The following PCSK7 variants were observed in gnomAD, a reference collection of about 807,000 sequenced individuals.
PCSK7 encodes proprotein convertase subtilisin/kexin type 7, also known as lymphoma proprotein convertase.
A neutral mutation model predicts 73.3 loss-of-function variants in PCSK7; 38 were observed. That is an observed-to-expected ratio of 0.52 (90% CI 0.40 to 0.68). The LOEUF (loss-of-function observed/expected upper bound fraction) is 0.68, where lower values mean the gene tolerates loss of function less well. Among genes scored for constraint, PCSK7 ranks in the 30% least tolerant of loss-of-function variants. The pLI is 0.00. For synonymous variants in PCSK7, 296 were observed against 383.8 expected (o/e 0.77, Z 2.68); for missense variants, 692 against 991.5 (o/e 0.70, Z 4.06).
intron 3 of PCSK7, among the ~76,000 whole-genome samples, chr11:117,228,777 C>G (rs925967557): frequency 5.9e-5 from 9 of 152,052 alleles, no homozygotes; most frequent in Non-Finnish European, 1.0e-4. Flanking sequence ...CCTGCCACCA[C>G]GCCTGGCTAA....
intron 5 of PCSK7, chr11:117,226,483 C>T: frequency 6.2e-6 from 1 of 161,878 alleles, no homozygotes; most frequent in Non-Finnish European, 1.4e-5. Context: ...ATTACTTGTC[C>T]CCCCACCAAA....
chr11:117,226,127 C>T, intron 5 of PCSK7, 106 bp from the exon 6 acceptor site: 1 of 682,214 alleles, frequency 1.5e-6, no homozygotes, highest in Non-Finnish European at 2.6e-6. Flanking sequence ...CCTACATGCT[C>T]TTTGTACATT....
intron 5 of PCSK7, chr11:117,226,271 G>A (rs781644678): frequency 2.6e-5 from 13 of 492,656 alleles, no homozygotes; most frequent in Non-Finnish European, 4.4e-5. Flanking sequence ...AAGTAGCTGG[G>A]ACTACAGGCG....
In PCSK7 at chr11:117,223,232, AC is replaced by A; in HGVS notation, c.1130del (p.Gly377ValfsTer10). On this transcript the variant is annotated frameshift_variant, in exon 9 of 17. Coordinates refer to ENST00000320934, the MANE Select transcript of PCSK7 (RefSeq NM_004716.4). LOFTEE classifies it high-confidence loss of function. ...CAATGCTCCGAAGCATCTTGTCCCC[AC>A]CACTGAAGGTGACTGCCAGCATGGA... ...CASMLAVTFS[G>X]GDKMLRSIVT... 6.2e-7 allele frequency: 1 copy of A among 1,613,036 alleles called. No individual in the cohort carries two copies.
At chr11:117,229,973 T>C in intron 2 of PCSK7, 117 bp from the exon 3 acceptor site, 2 of 622,042 alleles carry the variant, frequency 3.2e-6, no homozygotes, top group Non-Finnish European at 5.5e-6. Flanking sequence ...GCCATGCCTT[T>C]TAAATTGTGA....
At chr11:117,211,855 T>C (rs188490760) in intron 12 of PCSK7, 1 of 152,414 alleles carries the variant, frequency 6.6e-6, no homozygotes, top group East Asian at 1.9e-4. Flanking sequence ...GAGAACTGTT[T>C]CCTCATCTGT....
chr11:117,207,185 G>GAGCCACGCCCCTCTGTC (rs2134279811), intron 14 of PCSK7, 25 bp from the exon 15 acceptor site: 1 of 945,092 alleles, frequency 1.1e-6, no homozygotes, highest in Admixed American at 1.8e-5. Context: ...GGCAGCTCGT[G>GAGCCACGCCCCTCTGTC]AGCCACGCCC....
intron 8 of PCSK7, 171 bp downstream of exon 8, chr11:117,223,907 C>G (rs1294517042): frequency 1.2e-5 from 8 of 654,110 alleles, no homozygotes; most frequent in Non-Finnish European, 1.1e-5. Flanking sequence ...CCAGGGTATG[C>G]TGACATCTAA....
rs765966114 is a variant in PCSK7 at position 117,219,713 on chromosome 11, C to T, written c.1201G>A (p.Gly401Ser). Residue 401 changes from glycine to serine, a missense_variant, in exon 10 of 17, where the codon GGC (glycine) becomes AGC (serine). This residue lies in a region of PCSK7 where 574 missense variants were observed against 689.8 expected (regional missense o/e 0.83). Coordinates refer to ENST00000320934, the MANE Select transcript of PCSK7 (RefSeq NM_004716.4). ...GCTGCAGCTGAGGTCCCTGTGTGGC[C>T]CTCAGTGCAGCCAGTGCCCTTCTGA... is the stretch of plus-strand genomic sequence containing the variant. ...DLQKGTGCTE[G>S]HTGTSAAAPL... 9 of 1,606,818 alleles carry T rather than the reference C, an allele frequency of 5.6e-6. No individual in the cohort carries two copies. The highest frequency in any genetic ancestry group is 7.6e-6 in the Non-Finnish European group (9 of 1,176,834).
chr11:117,217,734 A>G (rs236915), intron 12 of PCSK7: 83,070 of 152,048 alleles, frequency 0.55, 25,303 homozygotes, highest in African/African-American at 0.8. Flanking sequence ...AAAAAGTAGT[A>G]AATGACTCCA....
At chr11:117,229,129 G>C (rs576903379) in intron 3 of PCSK7, among the ~76,000 whole-genome samples, 1 of 152,346 alleles carries the variant, frequency 6.6e-6, no homozygotes, top group East Asian at 1.9e-4. Context: ...GCACATGCTA[G>C]TAAGTGGCAG....
chr11:117,207,298 G>A, intron 14 of PCSK7, 138 bp from the exon 15 acceptor site: 1 of 581,180 alleles, frequency 1.7e-6, no homozygotes, highest in Non-Finnish European at 3.1e-6. Context: ...GTGTCCCACT[G>A]ACCCCAGGTT....
Position 117,219,633 on chromosome 11 carries a change from C to G in PCSK7, c.1281G>C (p.Thr427=). The change falls in exon 10 of 17, where the codon ACG becomes ACC. Residue 427 remains threonine (T), a synonymous_variant. Coordinates refer to ENST00000320934, the MANE Select transcript of PCSK7 (RefSeq NM_004716.4). ...ALMLQVRPCL[T]WRDVQHIIVF... Reference sequence around the variant, plus strand: ...CAATGATGTGCTGGACGTCACGCCACGTGAGGCAGGGCCGCACCTGCAGCA... The same window carrying G: ...CAATGATGTGCTGGACGTCACGCCAGGTGAGGCAGGGCCGCACCTGCAGCA... The G allele has an allele frequency of 1.9e-6, 3 of 1,612,578 alleles. No individual in the cohort carries two copies. Among genetic ancestry groups the G allele is most frequent in the Non-Finnish European group, 2.5e-6 (3 of 1,179,514 alleles).
Position 117,224,717 on chromosome 11 carries a change from G to A in PCSK7, c.899C>T (p.Pro300Leu), listed in dbSNP as rs768088259. Residue 300 changes from proline to leucine, a missense_variant, in exon 7 of 17, where the codon CCC becomes CTC. Physicochemically the swap from Pro to Leu is moderately conservative, Grantham distance 98 (BLOSUM62 -3). Around this residue, in one of 6 missense-constraint regions of PCSK7, gnomAD observed 574 missense variants for 689.8 expected, o/e 0.83. Coordinates refer to ENST00000320934, the MANE Select transcript of PCSK7 (RefSeq NM_004716.4). ...GCCAGTTACCTTTCCAAGCTGATGGGGGCCATCCACTGTCTTCCCATCGTC... is the reference window on the plus strand; with the variant it reads ...GCCAGTTACCTTTCCAAGCTGATGGAGGCCATCCACTGTCTTCCCATCGTC... ...PDDDGKTVDG[P>L]HQLGKAALQH... 5.0e-6 allele frequency: 8 copies of A among 1,613,502 alleles called. No individual in the cohort carries two copies. Among genetic ancestry groups the A allele is most frequent in the Non-Finnish European group, 3.4e-6 (4 of 1,179,606 alleles).
At position 117,204,635 on chromosome 11, in the gene PCSK7, G is replaced by C. The variant is rs17120431; in HGVS notation, c.*1362C>G. On this transcript the variant is annotated 3_prime_UTR_variant, in exon 17 of 17. Coordinates refer to ENST00000320934, the MANE Select transcript of PCSK7 (RefSeq NM_004716.4). ...CCTCCCTGGGCTAAGCAGGGGAGAA[G>C]CGGGCTGGGGGTAGCCTGGATGTGG... 7.5e-6 allele frequency: 4 copies of C among 533,996 alleles called. No homozygotes were observed. The highest frequency in any genetic ancestry group is 1.4e-5 in the Non-Finnish European group (4 of 288,678). The allele number at this position is 533,996 out of a possible 1,614,324, so 33.1% of individuals were successfully genotyped here.
At chr11:117,222,957 C>T (rs2032262944) in intron 9 of PCSK7, 1 of 466,504 alleles carries the variant, frequency 2.1e-6, no homozygotes, top group Non-Finnish European at 3.9e-6. Context: ...CCATGTGACA[C>T]TTAGTTTCTA....
intron 10 of PCSK7, 100 bp downstream of exon 10, chr11:117,219,491 T>C: frequency 8.8e-7 from 1 of 1,141,140 alleles, no homozygotes; most frequent in Non-Finnish European, 1.3e-6. Context: ...GAAAGAGACT[T>C]AGTATCTAAC....
At chr11:117,211,049 C>A (rs952138454) in intron 12 of PCSK7, 1 of 152,228 alleles carries the variant, frequency 6.6e-6, no homozygotes, top group Non-Finnish European at 1.5e-5. Flanking sequence ...GTGGGATGCG[C>A]TTTAAAGATT....
chr11:117,225,442 G>A (rs746107594), intron 6 of PCSK7: 2 of 164,420 alleles, frequency 1.2e-5, no homozygotes, highest in Admixed American at 1.1e-4. Context: ...TCTCTATTCT[G>A]TCTCTATCGG....
Sources: allele counts gnomAD v4.1 joint callset (sites outside exome capture counted in the v4.1 genomes callset), GRCh38; gene constraint gnomAD v4.1.1; regional missense constraint gnomAD v4.1.1; transcripts MANE v1.5; gene names NCBI Gene and HGNC (gene_info 2026-07-23, HGNC 2026-07-21).